Variants in DYNC2H1 observed in about 807,000 individuals in gnomAD.
DYNC2H1 encodes the protein cytoplasmic dynein 2 heavy chain 1.
Under a neutral mutation model 570.0 loss-of-function variants are expected in DYNC2H1, and 410 were observed. The observed-to-expected ratio is 0.72, with a 90% CI of 0.66 to 0.78. The LOEUF is 0.78. Among genes scored for constraint, DYNC2H1 ranks in the 30% least tolerant of loss-of-function variants. The pLI is 0.00. For synonymous variants in DYNC2H1, 1,688 were observed against 1,677.6 expected, an observed-to-expected ratio of 1.01 and a Z score of -0.15; for missense variants, 4,865 against 5,046.4, an observed-to-expected ratio of 0.96 and a Z score of 1.09.
intron 29 of DYNC2H1, among the ~76,000 whole-genome samples, chr11:103,162,195 G>A (rs1440480473): frequency 3.4e-5 from 5 of 145,122 alleles, no homozygotes; most frequent in African/African-American, 5.2e-5. Context: ...CAGAGTAGAT[G>A]TGTCTGTTGC....
At chr11:103,459,091 C>T (rs1030089386) in intron 87 of DYNC2H1, among the ~76,000 whole-genome samples, 10 of 150,452 alleles carry the variant, frequency 6.6e-5, no homozygotes, top group African/African-American at 1.7e-4. Context: ...GGGCGGATCA[C>T]GAGGTCAGGA....
intron 83 of DYNC2H1, among the ~76,000 whole-genome samples, chr11:103,389,675 C>G (rs1942049222): frequency 6.6e-6 from 1 of 151,288 alleles, no homozygotes; most frequent in Non-Finnish European, 1.5e-5. Context: ...TGAATGTGTC[C>G]CAGAGATTCT....
At position 103,205,096 on chromosome 11, in the gene DYNC2H1, A is replaced by G. The variant is rs898674875; in HGVS notation, c.8454+132A>G. 2 of 817,404 alleles carry G rather than the reference A, an allele frequency of 2.4e-6. No homozygotes were observed. Among genetic ancestry groups the G allele is most frequent in the Admixed American group, 6.4e-5 (2 of 31,012 alleles). 50.6% of individuals were successfully genotyped at this position (817,404 alleles called of 1,614,324 possible). On this transcript the variant is annotated intron_variant, in intron 52 of 88. Transcript: ENST00000375735. This position sits in a 1 kb window ranked among gnomAD's most constrained non-coding sequence, Gnocchi z 4.5. Reference sequence around the variant, plus strand: ...CACCAAACATCTCTTATGTTTGGAAATGTCTGTTTTCTTCGTACTCTTGCA... The same window carrying G: ...CACCAAACATCTCTTATGTTTGGAAGTGTCTGTTTTCTTCGTACTCTTGCA...
At chr11:103,394,817 A>G (rs2135626979) in intron 83 of DYNC2H1, among the ~76,000 whole-genome samples, 1 of 152,204 alleles carries the variant, frequency 6.6e-6, no homozygotes, top group South Asian at 2.1e-4. Flanking sequence ...AGTTGTTACT[A>G]GGTATAAAAG....
At chr11:103,394,542 G>A (rs1160282020) in intron 83 of DYNC2H1, among the ~76,000 whole-genome samples, 1 of 151,956 alleles carries the variant, frequency 6.6e-6, no homozygotes, top group Non-Finnish European at 1.5e-5. Context: ...ATACCAAGAG[G>A]AGGGTAGGGA....
rs994840433 is a variant in DYNC2H1 at position 103,369,848 on chromosome 11, G to T, written c.12156+11489G>T. 4.6e-5 allele frequency among the ~76,000 whole-genome samples: 7 copies of T among 152,192 alleles called. No homozygotes were observed. The highest frequency in any genetic ancestry group is 1.3e-4 in the Admixed American group (2 of 15,282). ...TACTACATTGAGGGCCTTGGGTGAGGTTCTGAGGCTTACTGGCTTCAGGTG... is the reference window on the plus strand; with the variant it reads ...TACTACATTGAGGGCCTTGGGTGAGTTTCTGAGGCTTACTGGCTTCAGGTG... On this transcript the variant is annotated intron_variant, in intron 83 of 88. Transcript: ENST00000375735. This position sits in a 1 kb window ranked among gnomAD's most constrained non-coding sequence, Gnocchi z 4.0.
intron 83 of DYNC2H1, among the ~76,000 whole-genome samples, chr11:103,379,105 A>C (rs1941530357): frequency 1.3e-5 from 2 of 152,156 alleles, no homozygotes; most frequent in Non-Finnish European, 2.9e-5. Context: ...TTTAGCTCTG[A>C]AATAGTGACA....
chr11:103,478,465 C>T (rs1945637418), intron 88 of DYNC2H1, among the ~76,000 whole-genome samples: 1 of 152,102 alleles, frequency 6.6e-6, no homozygotes, highest in African/African-American at 2.4e-5. Context: ...CATCTAGTAC[C>T]ACCTATGCGG....
At position 103,479,150 on chromosome 11, in the gene DYNC2H1, G is replaced by A. The variant is rs752724497; in HGVS notation, c.12821G>A (p.Ser4274Asn). ...TGCATCTCTTTGCCTGTTTACACAA[G>A]TGCTGAAAGGGATCGTGTGGTTACC... ...DECISLPVYT[S>N]AERDRVVTNI... Residue 4274 changes from serine to asparagine, a missense_variant, in exon 89 of 89, where the codon AGT becomes AAT. By Grantham distance (46) the Ser-to-Asn change is conservative. Around this residue, in one of 5 missense-constraint regions of DYNC2H1, gnomAD observed 2,401 missense variants for 2,454.6 expected, o/e 0.98. Coordinates refer to ENST00000375735, the MANE Select transcript of DYNC2H1 (RefSeq NM_001377.3). 7.4e-6 allele frequency: 12 copies of A among 1,613,690 alleles called. No homozygotes were observed. Among genetic ancestry groups the A allele is most frequent in the Middle Eastern group, 1.6e-4 (1 of 6,082 alleles).
In DYNC2H1 at chr11:103,215,684, T is replaced by C. The variant is rs1490790866; in HGVS notation, c.8695-37T>C. ...ATTTACTGTGTGTGTAAAATTCCTT[T>C]TTTAAAATATTGCCGATCAATATTT... On this transcript the variant is annotated intron_variant, in intron 54 of 88. Coordinates refer to ENST00000375735, the MANE Select transcript of DYNC2H1 (RefSeq NM_001377.3). 3.9e-6 allele frequency: 6 copies of C among 1,519,028 alleles called. No individual in the cohort carries two copies. In the African/African-American group the frequency reaches 6.9e-5, roughly 18 times the overall value. 94.1% of individuals were successfully genotyped at this position (1,519,028 alleles called of 1,614,324 possible). A position where few individuals can be genotyped will look rare whatever the true frequency, so the allele number is the denominator to read the frequency against.
chr11:103,312,816 G>T (rs948234755), intron 79 of DYNC2H1, among the ~76,000 whole-genome samples: 5 of 152,008 alleles, frequency 3.3e-5, no homozygotes, highest in Non-Finnish European at 5.9e-5. Flanking sequence ...TTCAAAACTT[G>T]TATTCCCCAT....
chr11:103,129,764 A>T lies in DYNC2H1; in HGVS notation c.1953+759A>T, dbSNP rs1473982964. ...AACTGAATGTTACTATGTGACTACT[A>T]ACTTTTTGAAGTCTGTATTTTTAGT... On this transcript the variant is annotated intron_variant, in intron 13 of 88. Coordinates refer to ENST00000375735, the MANE Select transcript of DYNC2H1 (RefSeq NM_001377.3). The surrounding 1 kb of genome is among the most constrained non-coding windows in gnomAD (Gnocchi z 4.1). Among the ~76,000 whole-genome samples, 1 of 152,232 alleles carries T rather than the reference A, an allele frequency of 6.6e-6. No homozygotes were observed. The highest frequency in any genetic ancestry group is 6.5e-5 in the Admixed American group (1 of 15,292).
chr11:103,398,941 G>GA (rs756122814), intron 83 of DYNC2H1, among the ~76,000 whole-genome samples: 113 of 151,872 alleles, frequency 7.4e-4, no homozygotes, highest in Non-Finnish European at 1.5e-3. Context: ...TTTTCAAATT[G>GA]AAAAAAATGC....
intron 80 of DYNC2H1, 24 bp from the exon 81 acceptor site, chr11:103,321,002 TTAA>T (rs1814665774): frequency 6.5e-7 from 1 of 1,532,880 alleles, no homozygotes; most frequent in Non-Finnish European, 8.9e-7. Context: ...AGAAATGAAA[TTAA>T]TGAGTGTTTT....
intron 82 of DYNC2H1, among the ~76,000 whole-genome samples, chr11:103,353,698 A>G (rs1220147195): frequency 6.6e-6 from 1 of 151,952 alleles, no homozygotes; most frequent in Non-Finnish European, 1.5e-5. Flanking sequence ...TTTTCATTCT[A>G]TTACCTTTTA....
At chr11:103,408,882 G>A (rs1434148484) in intron 84 of DYNC2H1, among the ~76,000 whole-genome samples, 1 of 152,016 alleles carries the variant, frequency 6.6e-6, no homozygotes, top group Non-Finnish European at 1.5e-5. Context: ...ATGGTAATGG[G>A]TTAGGGCGAG....
At chr11:103,285,848 A>G (rs1032695143) in intron 73 of DYNC2H1, among the ~76,000 whole-genome samples, 8 of 152,168 alleles carry the variant, frequency 5.3e-5, no homozygotes, top group Non-Finnish European at 8.8e-5. Context: ...AGTCAAAGAG[A>G]GCTCAGAGGA....
intron 52 of DYNC2H1, among the ~76,000 whole-genome samples, chr11:103,207,583 GGGA>G (rs796596398): frequency 1.9e-4 from 29 of 152,212 alleles, no homozygotes; most frequent in African/African-American, 7.0e-4. Flanking sequence ...GAAAGAATGA[GGGA>G]GGAGGCTTTG....
At chr11:103,367,854 G>C (rs1451675768) in intron 83 of DYNC2H1, among the ~76,000 whole-genome samples, 1 of 152,118 alleles carries the variant, frequency 6.6e-6, no homozygotes, top group Non-Finnish European at 1.5e-5. Flanking sequence ...ACATGAGTAA[G>C]ATTATGTGGT....
Sources: allele counts gnomAD v4.1 joint callset (sites outside exome capture counted in the v4.1 genomes callset), GRCh38; gene constraint gnomAD v4.1.1; regional missense constraint gnomAD v4.1.1; non-coding constraint Gnocchi (gnomAD v3.1); transcripts MANE v1.5; gene names NCBI Gene and HGNC (gene_info 2026-07-23, HGNC 2026-07-21).